WLS: variants seen among roughly 807,000 people sequenced by gnomAD.
WLS encodes the protein protein wntless homolog.
WLS carries 23 observed loss-of-function variants against 62.8 expected under a neutral mutation model. The observed-to-expected ratio is 0.37, with a 90% CI of 0.26 to 0.52. WLS has a LOEUF of 0.52. Ranked by LOEUF, WLS falls within the 20% of genes least tolerant of loss-of-function variation. The probability of loss-of-function intolerance (pLI) is 0.92; values close to 1 mark genes in which losing one functional copy is unlikely to be tolerated. For missense variants in WLS, 615 were observed against 697.3 expected (o/e 0.88, Z 1.33); for synonymous variants, 246 against 244.1 (o/e 1.01, Z -0.07).
intron 2 of WLS, chr1:68,186,419 G>A (rs1647942266): frequency 2.8e-6 from 1 of 354,900 alleles, no homozygotes; most frequent in Non-Finnish European, 5.5e-6. Flanking sequence ...ATAAACCCAA[G>A]CTTTAATTTC....
chr1:68,162,689 G>A (rs11803411), intron 2 of WLS: 220,607 of 1,223,660 alleles, frequency 0.18, 21,617 homozygotes, highest in East Asian at 0.38. Context: ...GTAGAGTCCG[G>A]TGTCTCTTCC....
chr1:68,159,099 A>C, intron 3 of WLS, 24 bp downstream of exon 3: 1 of 1,610,848 alleles, frequency 6.2e-7, no homozygotes, highest in East Asian at 2.2e-5. Flanking sequence ...AAAAACTGTC[A>C]GCTTAGACAG....
At chr1:68,101,281 G>A (rs1646074637) in intron 11 of WLS, among the ~76,000 whole-genome samples, 2 of 151,942 alleles carry the variant, frequency 1.3e-5, no homozygotes, top group African/African-American at 4.8e-5. Flanking sequence ...GGCAGAGAGG[G>A]GCCAATAAAT....
chr1:68,098,501 G>A (rs1646036332), exon 12 of WLS: 14 of 1,384,686 alleles, frequency 1.0e-5, no homozygotes, highest in East Asian at 7.1e-5. Context: ...TATTGTTGAC[G>A]CTTTTTTCCT....
At chr1:68,144,267 G>C (rs986381823) in intron 10 of WLS, among the ~76,000 whole-genome samples, 1 of 152,200 alleles carries the variant, frequency 6.6e-6, no homozygotes, top group African/African-American at 2.4e-5. Flanking sequence ...ATTTATGCTT[G>C]TTAGTGTTGT....
At chr1:68,109,609 A>AGTT (rs1464556772) in intron 11 of WLS, among the ~76,000 whole-genome samples, 2 of 152,232 alleles carry the variant, frequency 1.3e-5, no homozygotes, top group Non-Finnish European at 2.9e-5. Context: ...AGAAATGAAA[A>AGTT]ATGTTATTAA....
chr1:68,131,216 T>C (rs1428925764), intron 11 of WLS, among the ~76,000 whole-genome samples: 2 of 151,392 alleles, frequency 1.3e-5, no homozygotes, highest in African/African-American at 4.9e-5. Flanking sequence ...TGGCCTTTTT[T>C]TTTTTTCCAA....
chr1:68,149,622 C>A (rs1646798813), intron 6 of WLS, among the ~76,000 whole-genome samples: 1 of 152,148 alleles, frequency 6.6e-6, no homozygotes, highest in African/African-American at 2.4e-5. Flanking sequence ...TATTTTTAAC[C>A]ATGGTACCTT....
chr1:68,228,625 G>A lies in WLS; in HGVS notation c.106+3569C>T, dbSNP rs77799173. On this transcript the variant is annotated intron_variant, in intron 1 of 11. Coordinates refer to ENST00000262348, the MANE Select transcript of WLS (RefSeq NM_024911.7). ...TTTATCTTTTCCTTCAGGTACTACC[G>A]CATTTTTAAATAATTTCTAAATATT... Among the ~76,000 whole-genome samples, 1,275 of 151,674 alleles carry A rather than the reference G, an allele frequency of 8.4e-3. 15 individuals are homozygous for A. Among genetic ancestry groups the A allele is most frequent in the Non-Finnish European group, 0.012 (838 of 67,926 alleles).
Position 68,232,483 on chromosome 1 carries a change from C to T in WLS, c.-184G>A, listed in dbSNP as rs1193839863. On this transcript the variant is annotated 5_prime_UTR_variant, in exon 1 of 12. Transcript: ENST00000262348. ...GGCGCCCGCACGGATTCCCCCGGCG[C>T]AGCCGGCTCGGGTTCCCCCAATGCC... 3.1e-6 allele frequency: 4 copies of T among 1,289,468 alleles called. No homozygotes were observed. The highest frequency in any genetic ancestry group is 4.0e-6 in the Non-Finnish European group (4 of 992,310). The allele number at this position is 1,289,468 out of a possible 1,614,324, so 79.9% of individuals were successfully genotyped here.
chr1:68,159,048 T>C (rs1646937528), intron 3 of WLS, 75 bp downstream of exon 3: 6 of 1,589,754 alleles, frequency 3.8e-6, no homozygotes, highest in Middle Eastern at 1.7e-4. Context: ...GACACACCTA[T>C]GAAAAGTAAG....
chr1:68,114,104 A>G (rs766122399), intron 11 of WLS, among the ~76,000 whole-genome samples: 10 of 152,326 alleles, frequency 6.6e-5, no homozygotes, highest in Non-Finnish European at 1.0e-4. Context: ...CTTGGCTTCA[A>G]TGACTGCAGA....
rs185038940 is a variant in WLS at position 68,135,809 on chromosome 1, G to A, written c.1516+1971C>T. Among the ~76,000 whole-genome samples the A allele has an allele frequency of 3.2e-4, 49 of 152,266 alleles. 1 individual carries two copies. The highest frequency in any genetic ancestry group is 1.4e-3 in the East Asian group (7 of 5,162). On this transcript the variant is annotated intron_variant, in intron 11 of 11. Transcript: ENST00000262348. ...ACAAGCCCAGCAGTGCTTGCTGCTC[G>A]TGTTGTGGAAGCCCACTGCTTGACA...
At chr1:68,162,304 T>C (rs1293410239) in intron 2 of WLS, 1 of 1,612,420 alleles carries the variant, frequency 6.2e-7, no homozygotes, top group Non-Finnish European at 8.5e-7. Context: ...GAATGCTCCC[T>C]GCCTCATCTG....
chr1:68,111,399 C>T (rs1646227108), intron 11 of WLS, among the ~76,000 whole-genome samples: 1 of 152,174 alleles, frequency 6.6e-6, no homozygotes, highest in South Asian at 2.1e-4. Flanking sequence ...TTTTCTTCCC[C>T]AGCCTTGTGG....
At chr1:68,226,238 G>A (rs971322794) in intron 1 of WLS, among the ~76,000 whole-genome samples, 28 of 152,160 alleles carry the variant, frequency 1.8e-4, no homozygotes, top group African/African-American at 6.8e-4. Context: ...GAAAGTGGGA[G>A]GATCACCTAA....
At position 68,135,803 on chromosome 1, in the gene WLS, C is replaced by T. The variant is rs1479283884; in HGVS notation, c.1516+1977G>A. ...TTGTCCACAAGCCCAGCAGTGCTTG[C>T]TGCTCGTGTTGTGGAAGCCCACTGC... On this transcript the variant is annotated intron_variant, in intron 11 of 11. Transcript: ENST00000262348. 4.6e-5 allele frequency among the ~76,000 whole-genome samples: 7 copies of T among 152,174 alleles called. No individual in the cohort carries two copies. In the East Asian group the frequency reaches 1.2e-3, roughly 25 times the overall value.
chr1:68,162,062 C>T (rs2100508103), intron 2 of WLS: 1 of 1,585,238 alleles, frequency 6.3e-7, no homozygotes. Flanking sequence ...CCTGTGATGG[C>T]TCGGCGGATC....
chr1:68,162,823 T>C, intron 2 of WLS: 1 of 1,284,540 alleles, frequency 7.8e-7, no homozygotes, highest in Non-Finnish European at 1.1e-6. Context: ...TTCTAGGTCC[T>C]CCCTGGTGAG....
Sources: gnomAD v4.1 joint callset for allele counts (sites outside exome capture counted in the v4.1 genomes callset) on GRCh38, gnomAD v4.1.1 for gene constraint, MANE v1.5 for transcripts, NCBI Gene and HGNC (gene_info 2026-07-23, HGNC 2026-07-21) for gene names.